The following IGSF21 variants were observed in gnomAD, a reference collection of about 807,000 sequenced individuals.
IGSF21 encodes immunoglobulin superfamily member 21.
Under a neutral mutation model 46.8 loss-of-function variants are expected in IGSF21, and 28 were observed. The ratio of observed to expected loss-of-function variants is 0.60; its 90% CI spans 0.44 to 0.82. The LOEUF (loss-of-function observed/expected upper bound fraction) is 0.82. Among genes scored for constraint, IGSF21 ranks in the 40% least tolerant of loss-of-function variants. IGSF21 has a pLI of 0.00. For synonymous variants in IGSF21, 284 were observed against 273.6 expected, an observed-to-expected ratio of 1.04 and a Z score of -0.38; for missense variants, 624 against 665.5, an observed-to-expected ratio of 0.94 and a Z score of 0.69.
intron 1 of IGSF21, among the ~76,000 whole-genome samples, chr1:18,136,476 T>C (rs893810734): frequency 1.3e-5 from 2 of 152,262 alleles, no homozygotes; most frequent in Non-Finnish European, 2.9e-5. Flanking sequence ...TTTCAACATA[T>C]GGCTAGCCAG....
chr1:18,230,279 C>T (rs1250523498), intron 2 of IGSF21, among the ~76,000 whole-genome samples: 1 of 152,188 alleles, frequency 6.6e-6, no homozygotes, highest in South Asian at 2.1e-4. Context: ...CTTCGCCATC[C>T]TCCGGTAGGG....
At chr1:18,374,378 C>T (rs2086258305) in intron 6 of IGSF21, among the ~76,000 whole-genome samples, 1 of 152,200 alleles carries the variant, frequency 6.6e-6, no homozygotes, top group African/African-American at 2.4e-5. Flanking sequence ...TCAAACCTGC[C>T]ACTGCCTGAT....
chr1:18,299,856 CAG>C (rs2085344508), intron 3 of IGSF21, among the ~76,000 whole-genome samples: 2 of 152,250 alleles, frequency 1.3e-5, no homozygotes, highest in Admixed American at 6.5e-5. Context: ...CTCTCAAAAT[CAG>C]GGGTGATTTT....
chr1:18,240,018 C>T (rs2084711093), intron 2 of IGSF21, among the ~76,000 whole-genome samples: 1 of 152,222 alleles, frequency 6.6e-6, no homozygotes, highest in Non-Finnish European at 1.5e-5. Flanking sequence ...TGGCTCATGC[C>T]TGTAATCCCA....
intron 1 of IGSF21, among the ~76,000 whole-genome samples, chr1:18,128,318 G>A (rs1364376998): frequency 1.3e-5 from 2 of 152,162 alleles, no homozygotes; most frequent in African/African-American, 4.8e-5. Context: ...AGCTTCTCTA[G>A]ATTGGGTGGT....
At chr1:18,137,533 G>A (rs978660900) in intron 1 of IGSF21, among the ~76,000 whole-genome samples, 2 of 152,148 alleles carry the variant, frequency 1.3e-5, no homozygotes, top group Non-Finnish European at 2.9e-5. Flanking sequence ...CCAAGATCCC[G>A]TGGCTGGTGA....
chr1:18,224,428 G>A (rs1356983202), intron 1 of IGSF21, among the ~76,000 whole-genome samples: 1 of 152,082 alleles, frequency 6.6e-6, no homozygotes, highest in African/African-American at 2.4e-5. Context: ...GGGCCCCTCT[G>A]GCTAAAGAAG....
chr1:18,205,019 C>T (rs772429630), intron 1 of IGSF21, among the ~76,000 whole-genome samples: 14 of 151,950 alleles, frequency 9.2e-5, no homozygotes, highest in Non-Finnish European at 2.1e-4. Context: ...AGTTTTAGAT[C>T]GTTATCATGT....
At chr1:18,341,672 C>T (rs1309921776) in intron 4 of IGSF21, among the ~76,000 whole-genome samples, 2 of 152,228 alleles carry the variant, frequency 1.3e-5, no homozygotes, top group East Asian at 3.8e-4. Context: ...CACTTCCCTA[C>T]ATCACCCAGC....
rs1375821378 is a variant in IGSF21 at position 18,365,778 on chromosome 1, G to A, written c.1015+81G>A. Reference sequence around the variant, plus strand: ...AGCCTTGGAATAGGGTTCCTGGGCTGAGGACAGCCATGGAAAGGGGGAGGA... The same window carrying A: ...AGCCTTGGAATAGGGTTCCTGGGCTAAGGACAGCCATGGAAAGGGGGAGGA... On this transcript the variant is annotated intron_variant, in intron 6 of 9. Transcript: ENST00000251296. This position sits in a 1 kb window ranked among gnomAD's most constrained non-coding sequence, Gnocchi z 4.8. The A allele has an allele frequency of 8.3e-7, 1 of 1,207,318 alleles. No individual in the cohort carries two copies. Among genetic ancestry groups the A allele is most frequent in the Non-Finnish European group, 1.2e-6 (1 of 859,310 alleles). 74.8% of individuals were successfully genotyped at this position (1,207,318 alleles called of 1,614,324 possible). A position where few individuals can be genotyped will look rare whatever the true frequency, so the allele number is the denominator to read the frequency against.
At chr1:18,328,264 G>A (rs1161353407) in intron 3 of IGSF21, among the ~76,000 whole-genome samples, 1 of 152,174 alleles carries the variant, frequency 6.6e-6, no homozygotes, top group Non-Finnish European at 1.5e-5. Context: ...GCCTAACCTA[G>A]CTTAAATGTG....
intron 1 of IGSF21, among the ~76,000 whole-genome samples, chr1:18,204,287 C>T (rs2087104851): frequency 2.0e-5 from 3 of 152,178 alleles, no homozygotes; most frequent in Admixed American, 2.0e-4. Context: ...GGTTAAATGG[C>T]AGAGCTGGGA....
intron 2 of IGSF21, among the ~76,000 whole-genome samples, chr1:18,291,351 G>T (rs932953200): frequency 1.3e-5 from 2 of 152,224 alleles, no homozygotes; most frequent in Non-Finnish European, 2.9e-5. Context: ...CGGGATGTTG[G>T]ATTCCTGGCC....
intron 1 of IGSF21, among the ~76,000 whole-genome samples, chr1:18,163,554 A>G (rs970760125): frequency 6.6e-6 from 1 of 152,192 alleles, no homozygotes; most frequent in Non-Finnish European, 1.5e-5. Context: ...GCACAGCTAC[A>G]TTTCAGGTAC....
At chr1:18,128,172 C>G (rs2086289525) in intron 1 of IGSF21, among the ~76,000 whole-genome samples, 1 of 152,140 alleles carries the variant, frequency 6.6e-6, no homozygotes, top group African/African-American at 2.4e-5. Context: ...GAGGCAAGAG[C>G]TTTGGCTGCA....
chr1:18,257,131 C>A (rs892416985), intron 2 of IGSF21, among the ~76,000 whole-genome samples: 3 of 152,180 alleles, frequency 2.0e-5, no homozygotes, highest in African/African-American at 7.2e-5. Context: ...GGCAGTCAAG[C>A]AAATTATACT....
At chr1:18,371,627 T>C (rs2086226020) in intron 6 of IGSF21, among the ~76,000 whole-genome samples, 2 of 151,690 alleles carry the variant, frequency 1.3e-5, no homozygotes, top group African/African-American at 4.8e-5. Flanking sequence ...ACTCACTGTG[T>C]GAGTCCATTT....
chr1:18,239,770 C>T (rs2084707684), intron 2 of IGSF21, among the ~76,000 whole-genome samples: 1 of 152,126 alleles, frequency 6.6e-6, no homozygotes, highest in Non-Finnish European at 1.5e-5. Context: ...TCCCCGCCAC[C>T]AGAGGCTTTT....
intron 1 of IGSF21, among the ~76,000 whole-genome samples, chr1:18,204,239 CT>C (rs2087104469): frequency 6.6e-6 from 1 of 152,162 alleles, no homozygotes; most frequent in African/African-American, 2.4e-5. Context: ...GAAACTGAGC[CT>C]TAGAACGATG....
Sources: gnomAD v4.1 joint callset for allele counts (sites outside exome capture counted in the v4.1 genomes callset) on GRCh38, gnomAD v4.1.1 for gene constraint, Gnocchi (gnomAD v3.1) non-coding constraint, MANE v1.5 for transcripts, NCBI Gene and HGNC (gene_info 2026-07-23, HGNC 2026-07-21) for gene names.